The following OPA1 variants were observed in gnomAD, a reference collection of about 807,000 sequenced individuals.
OPA1 encodes dynamin-like GTPase OPA1, mitochondrial.
OPA1 carries 59 observed loss-of-function variants against 152.9 expected under a neutral mutation model. The observed-to-expected ratio is 0.39, with a 90% CI of 0.31 to 0.48. The LOEUF (loss-of-function observed/expected upper bound fraction) is 0.48, where lower values mean the gene tolerates loss of function less well. Ranked by LOEUF, OPA1 falls within the 20% of genes least tolerant of loss-of-function variation. OPA1 has a pLI of 0.96. For synonymous variants in OPA1, 400 were observed against 389.9 expected, an observed-to-expected ratio of 1.03 and a Z score of -0.31; for missense variants, 1,008 against 1,216.8, an observed-to-expected ratio of 0.83 and a Z score of 2.55.
chr3:193,595,723 C>T (rs2108767450), intron 1 of OPA1, among the ~76,000 whole-genome samples: 1 of 152,268 alleles, frequency 6.6e-6, no homozygotes, highest in African/African-American at 2.4e-5. Flanking sequence ...TGACTTGGCA[C>T]ACTCAGTGGG....
rs779030198 is a variant in OPA1, at chr3:193,638,014, T to C, written c.1098T>C (p.Ala366=). Residue 366 remains alanine (A), a synonymous_variant, in exon 11 of 31, where the codon GCT becomes GCC. Coordinates refer to ENST00000361510, the MANE Select transcript of OPA1 (RefSeq NM_130837.3). ...GTGTGTTGGAAATGATTGCCCAAGC[T>C]CGAATATTCCCAAGAGGATCTGGGG... The part of the protein sequence containing the change: ...KTSVLEMIAQ[A]RIFPRGSGEM... 4.3e-6 allele frequency: 7 copies of C among 1,613,998 alleles called. No individual in the cohort carries two copies. The highest frequency in any genetic ancestry group is 5.9e-6 in the Non-Finnish European group (7 of 1,179,992).
At chr3:193,618,038 ATATG>A (rs1329312214) in intron 5 of OPA1, among the ~76,000 whole-genome samples, 2 of 152,204 alleles carry the variant, frequency 1.3e-5, no homozygotes, top group African/African-American at 4.8e-5. Flanking sequence ...AAATTCTTAA[ATATG>A]TATGTGTATT....
intron 21 of OPA1, 88 bp from the exon 22 acceptor site, chr3:193,654,774 T>C (rs1457162355): frequency 1.5e-6 from 2 of 1,348,780 alleles, no homozygotes; most frequent in East Asian, 2.5e-5. Flanking sequence ...ATGTACAGTT[T>C]ATTATAAGTT....
Position 193,631,733 on chromosome 3 carries a change from T to G in OPA1, c.843+68T>G. 4 of 1,371,446 alleles carry G rather than the reference T, an allele frequency of 2.9e-6. 1 individual carries two copies. The highest frequency in any genetic ancestry group is 4.2e-6 in the Non-Finnish European group (4 of 962,228). The allele number at this position is 1,371,446 out of a possible 1,614,324, so 85.0% of individuals were successfully genotyped here. Reference sequence around the variant, plus strand: ...ATATTCGAATGTAACTTTGGTGATATGGACATTTATTTTTTCAACAGAGCA... The same window carrying G: ...ATATTCGAATGTAACTTTGGTGATAGGGACATTTATTTTTTCAACAGAGCA... On this transcript the variant is annotated intron_variant, in intron 8 of 30. Transcript: ENST00000361510.
chr3:193,656,441 G>A (rs1432135090), intron 22 of OPA1, among the ~76,000 whole-genome samples: 1 of 152,126 alleles, frequency 6.6e-6, no homozygotes, highest in Non-Finnish European at 1.5e-5. Flanking sequence ...TTTTGACACT[G>A]TGCTCTTCCT....
At chr3:193,610,225 C>A (rs913568130) in intron 1 of OPA1, among the ~76,000 whole-genome samples, 23 of 152,216 alleles carry the variant, frequency 1.5e-4, no homozygotes, top group African/African-American at 5.3e-4. Context: ...GTGTGGATGT[C>A]CTTTCTGTTT....
intron 6 of OPA1, among the ~76,000 whole-genome samples, chr3:193,624,906 A>T (rs1163530253): frequency 1.3e-5 from 2 of 152,176 alleles, no homozygotes; most frequent in Non-Finnish European, 1.5e-5. Context: ...GAAACTATTT[A>T]AAACTCCTAA....
intron 29 of OPA1, among the ~76,000 whole-genome samples, chr3:193,688,782 ACCAGCCTGGGCAAC>A (rs1225767060): frequency 2.0e-5 from 3 of 151,958 alleles, no homozygotes; most frequent in Non-Finnish European, 4.4e-5. Flanking sequence ...AGACTTCGAG[ACCAGCCTGGGCAAC>A]ATAGTGAGAC....
intron 1 of OPA1, among the ~76,000 whole-genome samples, chr3:193,598,395 A>G (rs1288547954): frequency 6.6e-6 from 1 of 152,184 alleles, no homozygotes; most frequent in African/African-American, 2.4e-5. Flanking sequence ...CTCTTCTAGC[A>G]GAGAGTGGAA....
At chr3:193,619,345 C>T (rs1729624599) in intron 6 of OPA1, among the ~76,000 whole-genome samples, 1 of 152,110 alleles carries the variant, frequency 6.6e-6, no homozygotes, top group Non-Finnish European at 1.5e-5. Flanking sequence ...TATTTATCAA[C>T]AGAACCCTTT....
At chr3:193,602,883 CA>C (rs1165127065) in intron 1 of OPA1, among the ~76,000 whole-genome samples, 2 of 152,208 alleles carry the variant, frequency 1.3e-5, no homozygotes, top group Non-Finnish European at 2.9e-5. Flanking sequence ...ATGGTCACAG[CA>C]TCAGCTTTCC....
rs1482693639 is a variant in OPA1, at chr3:193,695,959, T to C, written c.*1359T>C. The C allele has an allele frequency of 6.6e-6, 1 of 152,242 alleles. No homozygotes were observed. The highest frequency in any genetic ancestry group is 1.5e-5 in the Non-Finnish European group (1 of 68,038). The allele number at this position is 152,242 out of a possible 1,614,324, so 9.4% of individuals were successfully genotyped here. A position where few individuals can be genotyped will look rare whatever the true frequency, so the allele number is the denominator to read the frequency against. ...AGGAATTCAATGTATGTTTGTTTTA[T>C]ACTGTTTGATAAGAAAAGTAGGTCC... is the stretch of plus-strand genomic sequence containing the variant. On this transcript the variant is annotated 3_prime_UTR_variant, in exon 31 of 31. Transcript: ENST00000361510.
At chr3:193,682,996 A>C (rs1442453934) in intron 29 of OPA1, among the ~76,000 whole-genome samples, 1 of 152,074 alleles carries the variant, frequency 6.6e-6, no homozygotes, top group East Asian at 1.9e-4. Context: ...AGAAAAAAAA[A>C]GGAAAAGCTT....
intron 7 of OPA1, among the ~76,000 whole-genome samples, chr3:193,631,171 T>A (rs1732019279): frequency 6.6e-6 from 1 of 152,210 alleles, no homozygotes; most frequent in African/African-American, 2.4e-5. Flanking sequence ...CTGTGACCAA[T>A]GAGCTTTTTA....
chr3:193,658,759 G>A (rs1263210268), intron 23 of OPA1, 128 bp from the exon 24 acceptor site: 6 of 688,568 alleles, frequency 8.7e-6, no homozygotes, highest in South Asian at 6.3e-5. Context: ...TTATAGGAAG[G>A]ATATATTTTT....
At chr3:193,685,602 C>T (rs1475399472) in intron 29 of OPA1, among the ~76,000 whole-genome samples, 9 of 152,070 alleles carry the variant, frequency 5.9e-5, no homozygotes, top group African/African-American at 1.9e-4. Flanking sequence ...AGAGAATTTA[C>T]CCAAGCAGTC....
intron 27 of OPA1, among the ~76,000 whole-genome samples, chr3:193,665,482 A>C (rs1419140249): frequency 6.6e-6 from 1 of 152,086 alleles, no homozygotes; most frequent in Non-Finnish European, 1.5e-5. Flanking sequence ...CAGGTGTCAT[A>C]ATTATTTCTT....
intron 8 of OPA1, 110 bp downstream of exon 8, chr3:193,631,775 A>G (rs2108980606): frequency 1.2e-6 from 1 of 865,408 alleles, no homozygotes; most frequent in Non-Finnish European, 2.0e-6. Context: ...GGAAGGTGTA[A>G]TGATAGAACC....
chr3:193,596,291 G>A (rs377691063), intron 1 of OPA1, among the ~76,000 whole-genome samples: 14 of 59,284 alleles, frequency 2.4e-4, no homozygotes, highest in East Asian at 7.1e-4. Flanking sequence ...ATTGGCCATC[G>A]CAACTTTTCT....
Sources: allele counts gnomAD v4.1 joint callset (sites outside exome capture counted in the v4.1 genomes callset), GRCh38; gene constraint gnomAD v4.1.1; transcripts MANE v1.5; gene names NCBI Gene and HGNC (gene_info 2026-07-23, HGNC 2026-07-21).